Variants in TTF2 observed in about 807,000 individuals in gnomAD.
TTF2 encodes the protein transcription termination factor 2.
In TTF2, 108 loss-of-function variants were observed where a neutral mutation model predicts 142.4. That is an observed-to-expected ratio of 0.76 (90% confidence interval 0.65 to 0.89). The LOEUF (loss-of-function observed/expected upper bound fraction) is 0.89, where lower values mean the gene tolerates loss of function less well. Among genes scored for constraint, TTF2 ranks in the 40% least tolerant of loss-of-function variants. The pLI is 0.00. For synonymous variants in TTF2, 483 were observed against 506.2 expected, an observed-to-expected ratio of 0.95 and a Z score of 0.61; for missense variants, 1,327 against 1,379.8, an observed-to-expected ratio of 0.96 and a Z score of 0.61.
rs775618377 is a variant in TTF2 at position 117,097,369 on chromosome 1, T to C, written c.3205T>C (p.Leu1069=). ...TTTGAAGGTAATGCTAATCTCTCTC[T>C]TGGCCGGAGGTGTTGGTCTAAACCT... ...RGPQVMLISL[L]AGGVGLNLTG... is the part of the protein sequence containing the mutation. The change falls in exon 21 of 23, where the codon TTG becomes CTG. Residue 1069 remains leucine, a synonymous_variant. Coordinates refer to ENST00000369466, the MANE Select transcript of TTF2 (RefSeq NM_003594.4). This position sits in a 1 kb window ranked among gnomAD's most constrained non-coding sequence, Gnocchi z 4.1. 12 of 1,614,074 alleles carry C rather than the reference T, an allele frequency of 7.4e-6. No homozygotes were observed.
chr1:117,075,605 C>T lies in TTF2; in HGVS notation c.1021C>T (p.Leu341=). 1 of 1,614,160 alleles carries T rather than the reference C, an allele frequency of 6.2e-7. No individual in the cohort carries two copies. The highest frequency in any genetic ancestry group is 8.5e-7 in the Non-Finnish European group (1 of 1,180,024). The change falls in exon 5 of 23, where the codon CTG becomes TTG. Residue 341 remains leucine, a synonymous_variant. Coordinates refer to ENST00000369466, the MANE Select transcript of TTF2 (RefSeq NM_003594.4). This position sits in a 1 kb window ranked among gnomAD's most constrained non-coding sequence, Gnocchi z 4.5. The part of the protein sequence containing the change: ...QAAPAAPGLS[L]GEGREAATSS... ...TGCACCAGCAGCACCAGGGCTTTCC[C>T]TGGGTGAGGGCCGTGAAGCTGCCAC...
At position 117,090,403 on chromosome 1, in the gene TTF2, G is replaced by T; in HGVS notation, c.2497-129G>T. Reference sequence around the variant, plus strand: ...TTGTACTGTATGTTGGAGCAGTCCTGTGTCTAAGAAAGGGTGGAAGCTGCA... The same window carrying T: ...TTGTACTGTATGTTGGAGCAGTCCTTTGTCTAAGAAAGGGTGGAAGCTGCA... On this transcript the variant is annotated intron_variant, in intron 14 of 22. Coordinates refer to ENST00000369466, the MANE Select transcript of TTF2 (RefSeq NM_003594.4). This position sits in a 1 kb window ranked among gnomAD's most constrained non-coding sequence, Gnocchi z 4.8. The T allele has an allele frequency of 8.8e-7, 1 of 1,138,696 alleles. No homozygotes were observed. The highest frequency in any genetic ancestry group is 1.5e-5 in the South Asian group (1 of 66,160). 70.5% of individuals were successfully genotyped at this position (1,138,696 alleles called of 1,614,324 possible).
rs1465445935 is a variant in TTF2, at chr1:117,093,979, A to T, written c.2976+1078A>T. ...TCAAAACACCATGGCTAGCTTTTTC[A>T]TGTGGGAGTCACAGCGCCTTCCACA... On this transcript the variant is annotated intron_variant, in intron 18 of 22. Transcript: ENST00000369466. This position sits in a 1 kb window ranked among gnomAD's most constrained non-coding sequence, Gnocchi z 4.5. Among the ~76,000 whole-genome samples the T allele has an allele frequency of 6.6e-6, 1 of 152,146 alleles. No individual in the cohort carries two copies. Among genetic ancestry groups the T allele is most frequent in the African/African-American group, 2.4e-5 (1 of 41,424 alleles).
In TTF2 at chr1:117,073,965, TA is replaced by T. The variant is rs1656786115; in HGVS notation, c.285+241del. On this transcript the variant is annotated intron_variant, in intron 4 of 22. Transcript: ENST00000369466. The surrounding 1 kb of genome is among the most constrained non-coding windows in gnomAD (Gnocchi z 4.4). ...ACTTAGTAAATATTTTTTGAGGTCT[TA>T]AATGTAGTCAGTATTCTTTTACTCA... is the stretch of plus-strand genomic sequence containing the variant. Among the ~76,000 whole-genome samples the T allele has an allele frequency of 2.6e-5, 4 of 152,244 alleles. No individual in the cohort carries two copies.
At position 117,075,185 on chromosome 1, in the gene TTF2, G is replaced by C; in HGVS notation, c.601G>C (p.Glu201Gln). The C allele has an allele frequency of 6.2e-7, 1 of 1,614,190 alleles. No individual in the cohort carries two copies. The highest frequency in any genetic ancestry group is 8.5e-7 in the Non-Finnish European group (1 of 1,180,036). ...VQEKKQEEGA[E>Q]IQCEAETGGT... Reference sequence around the variant, plus strand: ...AGAGAAGAAGCAAGAAGAGGGAGCAGAGATTCAGTGTGAGGCAGAGACTGG... The same window carrying C: ...AGAGAAGAAGCAAGAAGAGGGAGCACAGATTCAGTGTGAGGCAGAGACTGG... The change falls in exon 5 of 23, where the codon GAG (glutamate) becomes CAG (glutamine). Residue 201 changes from glutamate to glutamine, a missense_variant. Physicochemically the swap from Glu to Gln is conservative, Grantham distance 29. Transcript: ENST00000369466. The surrounding 1 kb of genome is among the most constrained non-coding windows in gnomAD (Gnocchi z 4.5).
At chr1:117,062,574 C>T (rs1655776123) in intron 3 of TTF2, 101 bp downstream of exon 3, 2 of 1,204,758 alleles carry the variant, frequency 1.7e-6, no homozygotes. Context: ...CTTTAAAAGT[C>T]ATTTTAAAAA....
intron 11 of TTF2, 77 bp downstream of exon 11, chr1:117,084,245 T>C: frequency 3.2e-6 from 5 of 1,565,672 alleles, no homozygotes; most frequent in Non-Finnish European, 4.4e-6. Flanking sequence ...CTCCCATCCC[T>C]GAGATTTCAC....
chr1:117,084,401 C>A (rs1255007595), intron 11 of TTF2, among the ~76,000 whole-genome samples: 2 of 152,202 alleles, frequency 1.3e-5, no homozygotes, highest in Non-Finnish European at 2.9e-5. Context: ...TGTGAGGAGG[C>A]CTGAGATGCC....
rs1656887612 is a variant in TTF2 at position 117,075,151 on chromosome 1, T to C, written c.567T>C (p.Ser189=). 4 of 1,613,942 alleles carry C rather than the reference T, an allele frequency of 2.5e-6. No individual in the cohort carries two copies. Among genetic ancestry groups the C allele is most frequent in the Middle Eastern group, 1.6e-4 (1 of 6,084 alleles). The part of the protein sequence containing the change: ...SSGLVPKKKQ[S]VVQEKKQEEG... ...GCCTGGTACCAAAGAAAAAACAATC[T>C]GTAGTTCAAGAGAAGAAGCAAGAAG... is the stretch of plus-strand genomic sequence containing the variant. The change falls in exon 5 of 23, where the codon TCT becomes TCC. Residue 189 remains serine, a synonymous_variant. Coordinates refer to ENST00000369466, the MANE Select transcript of TTF2 (RefSeq NM_003594.4). The surrounding 1 kb of genome is among the most constrained non-coding windows in gnomAD (Gnocchi z 4.5).
At chr1:117,095,903 T>C (rs1438546708) in intron 19 of TTF2, among the ~76,000 whole-genome samples, 1 of 152,160 alleles carries the variant, frequency 6.6e-6, no homozygotes, top group African/African-American at 2.4e-5. Flanking sequence ...ATCACTTTAC[T>C]CTAGCTACCA....
At chr1:117,082,311 C>A (rs574873032) in intron 10 of TTF2, among the ~76,000 whole-genome samples, 1 of 152,144 alleles carries the variant, frequency 6.6e-6, no homozygotes, top group Non-Finnish European at 1.5e-5. Context: ...CTCCTTGGCT[C>A]AAGCGATCCT....
At chr1:117,095,107 A>G (rs958425260) in intron 18 of TTF2, among the ~76,000 whole-genome samples, 3 of 152,164 alleles carry the variant, frequency 2.0e-5, no homozygotes, top group African/African-American at 2.4e-5. Flanking sequence ...GTGGGAAGCT[A>G]TGGAAGGGCT....
At position 117,086,394 on chromosome 1, in the gene TTF2, ATTTC is replaced by A; in HGVS notation, c.2055-19_2055-16del. 1 of 1,567,736 alleles carries A rather than the reference ATTTC, an allele frequency of 6.4e-7. No individual in the cohort carries two copies. ...CCCTCTATAGTGGGACCATTTATTG[ATTTC>A]TTTGTTATGTCTACGCAGCCTCTCT... On this transcript the variant is annotated intron_variant, in intron 11 of 22. Transcript: ENST00000369466. The surrounding 1 kb of genome is among the most constrained non-coding windows in gnomAD (Gnocchi z 4.2).
At position 117,076,706 on chromosome 1, in the gene TTF2, C is replaced by T; in HGVS notation, c.1456C>T (p.Pro486Ser). Residue 486 changes from proline (P) to serine (S), a missense_variant, in exon 7 of 23, where the codon CCT becomes TCT. By Grantham distance (74) the Pro-to-Ser change is moderately conservative. Transcript: ENST00000369466. This position sits in a 1 kb window ranked among gnomAD's most constrained non-coding sequence, Gnocchi z 4.6. ...QSHFTKTTTGPPHLVPPQPLP... is the reference protein window; with the variant it reads ...QSHFTKTTTGSPHLVPPQPLP... The stretch of plus-strand genomic sequence containing the variant: ...TCACTTCACCAAAACTACCACTGGC[C>T]CTCCCCACCTGGTGCCTCCCCAACC... The T allele has an allele frequency of 6.2e-7, 1 of 1,614,088 alleles. No homozygotes were observed. Among genetic ancestry groups the T allele is most frequent in the Non-Finnish European group, 8.5e-7 (1 of 1,179,982 alleles).
At position 117,073,671 on chromosome 1, in the gene TTF2, C is replaced by T. The variant is rs770252707; in HGVS notation, c.229C>T (p.Arg77Ter). The change falls in exon 4 of 23, where the codon CGA (arginine) becomes TGA (stop). Residue 77 changes from arginine to a stop codon, truncating the protein, a stop_gained. Transcript: ENST00000369466. LOFTEE classifies it high-confidence loss of function. This position sits in a 1 kb window ranked among gnomAD's most constrained non-coding sequence, Gnocchi z 4.4. The stretch of plus-strand genomic sequence containing the variant: ...TTTATACTTCATTAGATTGTTCTTC[C>T]GATGCATTAGAAGTAAGGCAGAGGG... ...QDKKEYRLFF[R>*]CIRSKAEGKR... 16 of 1,608,518 alleles carry T rather than the reference C, an allele frequency of 9.9e-6. No individual in the cohort carries two copies. The highest frequency in any genetic ancestry group is 5.0e-5 in the Admixed American group (3 of 59,870).
At position 117,090,511 on chromosome 1, in the gene TTF2, CTT is replaced by C; in HGVS notation, c.2497-12_2497-11del. On this transcript the variant is annotated intron_variant, in intron 14 of 22. Transcript: ENST00000369466. The surrounding 1 kb of genome is among the most constrained non-coding windows in gnomAD (Gnocchi z 4.8). ...GTTAATTTGTATAGCTTCATGCCAG[CTT>C]TTTTTTTTATTCTTCCAGGTGATAC... 3.1e-6 allele frequency: 4 copies of C among 1,297,180 alleles called. No individual in the cohort carries two copies. The highest frequency in any genetic ancestry group is 4.2e-6 in the Non-Finnish European group (4 of 944,800). The allele number at this position is 1,297,180 out of a possible 1,614,324, so 80.4% of individuals were successfully genotyped here. A position where few individuals can be genotyped will look rare whatever the true frequency, so the allele number is the denominator to read the frequency against.
In TTF2 at chr1:117,107,172, ACT is replaced by A. The variant is rs1650005572; in HGVS notation, c.*5651_*5652del. ...GAGTCTTGGGCTCTGTTGATCACTGACTCTGCCAGGTCTTTCAGCAGGCAAGA... is the reference window on the plus strand; with the variant it reads ...GAGTCTTGGGCTCTGTTGATCACTGACTGCCAGGTCTTTCAGCAGGCAAGA... On this transcript the variant is annotated 3_prime_UTR_variant, in exon 23 of 23. Coordinates refer to ENST00000369466, the MANE Select transcript of TTF2 (RefSeq NM_003594.4). 6.6e-6 allele frequency: 1 copy of A among 152,040 alleles called. No homozygotes were observed. The highest frequency in any genetic ancestry group is 2.1e-4 in the South Asian group (1 of 4,812). 9.4% of individuals were successfully genotyped at this position (152,040 alleles called of 1,614,324 possible). A position where few individuals can be genotyped will look rare whatever the true frequency, so the allele number is the denominator to read the frequency against.
chr1:117,089,357 T>C (rs1648366632), intron 13 of TTF2, among the ~76,000 whole-genome samples: 1 of 151,644 alleles, frequency 6.6e-6, no homozygotes, highest in Admixed American at 6.6e-5. Context: ...AGCACTACAA[T>C]TTATTTGAAG....
rs1226775076 is a variant in TTF2, at chr1:117,076,207, G to A, written c.1303G>A (p.Ala435Thr). 6.2e-7 allele frequency: 1 copy of A among 1,613,938 alleles called. No individual in the cohort carries two copies. The highest frequency in any genetic ancestry group is 8.5e-7 in the Non-Finnish European group (1 of 1,179,858). Residue 435 changes from alanine to threonine, a missense_variant, in exon 6 of 23, where the codon GCT (alanine) becomes ACT (threonine). Physicochemically the swap from Ala to Thr is moderately conservative, Grantham distance 58. Coordinates refer to ENST00000369466, the MANE Select transcript of TTF2 (RefSeq NM_003594.4). This position sits in a 1 kb window ranked among gnomAD's most constrained non-coding sequence, Gnocchi z 4.6. ...KSTLASVNIQ[A>T]LPDKGQKLIK... ...CACACTGGCATCAGTGAACATCCAG[G>A]CTCTTCCAGACAAGGGTCAGAAGTT...
Sources: gnomAD v4.1 joint callset for allele counts (sites outside exome capture counted in the v4.1 genomes callset) on GRCh38, gnomAD v4.1.1 for gene constraint, Gnocchi (gnomAD v3.1) non-coding constraint, MANE v1.5 for transcripts, NCBI Gene and HGNC (gene_info 2026-07-23, HGNC 2026-07-21) for gene names.